MCC: variants seen among roughly 807,000 people sequenced by gnomAD.
The protein encoded by MCC is colorectal mutant cancer protein.
Under a neutral mutation model 116.2 loss-of-function variants are expected in MCC, and 90 were observed. That is an observed-to-expected ratio of 0.77 (90% confidence interval 0.65 to 0.92). The LOEUF (loss-of-function observed/expected upper bound fraction) is 0.92. MCC is among the 40% of genes least tolerant of loss of function. MCC has a pLI of 0.00. For missense variants in MCC, 1,516 were observed against 1,312.2 expected (o/e 1.16, Z -2.40); for synonymous variants, 578 against 510.5 (o/e 1.13, Z -1.78).
At chr5:113,320,773 A>G (rs1434073971) in intron 3 of MCC, among the ~76,000 whole-genome samples, 1 of 152,222 alleles carries the variant, frequency 6.6e-6, no homozygotes, top group Non-Finnish European at 1.5e-5. Flanking sequence ...CTAAATGAAA[A>G]CCATGATGGG....
intron 14 of MCC, among the ~76,000 whole-genome samples, chr5:113,055,467 G>C (rs1261863659): frequency 6.6e-6 from 1 of 152,240 alleles, no homozygotes; most frequent in Admixed American, 6.5e-5. Context: ...AAAAGCTGAA[G>C]AGAGATGGTG....
Position 113,211,733 on chromosome 5 carries a change from C to G in MCC, c.628-60311G>C, listed in dbSNP as rs1448791612. ...TTGAAGGAGACCTTTAACTCATTAT[C>G]TCAACTACTGGAGGTTATCCTAAAA... On this transcript the variant is annotated intron_variant, in intron 3 of 18. Coordinates refer to ENST00000408903, the MANE Select transcript of MCC (RefSeq NM_001085377.2). Among the ~76,000 whole-genome samples the G allele has an allele frequency of 2.0e-5, 3 of 152,258 alleles. No individual in the cohort carries two copies. In the East Asian group the frequency reaches 5.8e-4, roughly 29 times the overall value.
At chr5:113,101,133 T>C (rs1292121677) in intron 8 of MCC, among the ~76,000 whole-genome samples, 1 of 152,176 alleles carries the variant, frequency 6.6e-6, no homozygotes, top group Non-Finnish European at 1.5e-5. Flanking sequence ...GGTCAGGCCC[T>C]AGGGTGAATA....
intron 3 of MCC, among the ~76,000 whole-genome samples, chr5:113,308,172 C>T (rs1194888011): frequency 6.6e-6 from 1 of 152,078 alleles, no homozygotes; most frequent in Admixed American, 6.6e-5. Flanking sequence ...CAAGGTCTTG[C>T]AATGTTGCCC....
chr5:113,122,812 T>A lies in MCC; in HGVS notation c.899A>T (p.Tyr300Phe). 1 of 1,614,122 alleles carries A rather than the reference T, an allele frequency of 6.2e-7. No individual in the cohort carries two copies. Among genetic ancestry groups the A allele is most frequent in the Non-Finnish European group, 8.5e-7 (1 of 1,180,000 alleles). Residue 300 changes from tyrosine (Y) to phenylalanine (F), a missense_variant, in exon 6 of 19, where the codon TAC becomes TTC. Coordinates refer to ENST00000408903, the MANE Select transcript of MCC (RefSeq NM_001085377.2). ...QGTTIREEDE[Y>F]SELRSELSQS... Reference sequence around the variant, plus strand: ...GCTGAGTTCTGATCGCAGTTCTGAGTACTCATCTTCCTCCCTGAGAAAAAA... The same window carrying A: ...GCTGAGTTCTGATCGCAGTTCTGAGAACTCATCTTCCTCCCTGAGAAAAAA...
At chr5:113,363,217 C>G (rs1420932384) in intron 2 of MCC, among the ~76,000 whole-genome samples, 1 of 152,144 alleles carries the variant, frequency 6.6e-6, no homozygotes, top group Non-Finnish European at 1.5e-5. Flanking sequence ...TTGGAAGTTG[C>G]AGTGAGCCGA....
intron 3 of MCC, among the ~76,000 whole-genome samples, chr5:113,243,271 T>C (rs1461095238): frequency 6.6e-6 from 1 of 152,122 alleles, no homozygotes; most frequent in Admixed American, 6.5e-5. Context: ...TCAGCACATA[T>C]AAATGGAAGG....
chr5:113,290,897 C>A (rs1280271704), intron 3 of MCC, among the ~76,000 whole-genome samples: 1 of 152,150 alleles, frequency 6.6e-6, no homozygotes, highest in Non-Finnish European at 1.5e-5. Flanking sequence ...ATCTTTATGA[C>A]AGGAACAGCT....
chr5:113,211,064 GTC>G (rs1763117774), intron 3 of MCC, among the ~76,000 whole-genome samples: 1 of 152,184 alleles, frequency 6.6e-6, no homozygotes. Context: ...AATTGACTGA[GTC>G]TCTTCCAAAT....
intron 3 of MCC, among the ~76,000 whole-genome samples, chr5:113,201,635 G>T (rs1311000991): frequency 6.6e-6 from 1 of 152,098 alleles, no homozygotes; most frequent in African/African-American, 2.4e-5. Flanking sequence ...ATGAAAACTT[G>T]AAAGAAATAT....
chr5:113,485,561 T>TTC (rs1260511996), intron 1 of MCC, among the ~76,000 whole-genome samples: 2 of 150,158 alleles, frequency 1.3e-5, no homozygotes, highest in Admixed American at 6.7e-5. Flanking sequence ...TCCTTTTACA[T>TTC]CTTCTTCCCT....
chr5:113,433,604 G>C, intron 1 of MCC: 1 of 1,182,014 alleles, frequency 8.5e-7, no homozygotes. Context: ...CAAGTTCAAG[G>C]GGAGAGAGAA....
intron 5 of MCC, among the ~76,000 whole-genome samples, chr5:113,136,101 T>C (rs1758807181): frequency 6.6e-6 from 1 of 152,152 alleles, no homozygotes; most frequent in African/African-American, 2.4e-5. Flanking sequence ...AAAAGGGACA[T>C]GCATATATAC....
chr5:113,198,588 C>A (rs1581241335), intron 3 of MCC, among the ~76,000 whole-genome samples: 1 of 150,642 alleles, frequency 6.6e-6, no homozygotes, highest in East Asian at 1.9e-4. Flanking sequence ...CCTGTGGTCC[C>A]AGCTACTCGG....
intron 16 of MCC, 75 bp from the exon 17 acceptor site, chr5:113,043,705 G>C (rs1160194311): frequency 9.4e-7 from 1 of 1,063,536 alleles, no homozygotes; most frequent in Non-Finnish European, 1.4e-6. Flanking sequence ...AGCAGAGCGC[G>C]GTAGGTGGCT....
intron 7 of MCC, 39 bp from the exon 8 acceptor site, chr5:113,101,984 C>A (rs1231465855): frequency 4.4e-6 from 7 of 1,603,604 alleles, no homozygotes; most frequent in African/African-American, 1.3e-5. Flanking sequence ...AAGTAAGTTA[C>A]CTTGGAGAAA....
intron 3 of MCC, among the ~76,000 whole-genome samples, chr5:113,271,940 C>G (rs1765635095): frequency 6.6e-6 from 1 of 152,142 alleles, no homozygotes; most frequent in South Asian, 2.1e-4. Context: ...GCATTCTGCT[C>G]TAGGAGCACA....
chr5:113,248,101 A>G (rs1764643962), intron 3 of MCC, among the ~76,000 whole-genome samples: 2 of 152,164 alleles, frequency 1.3e-5, no homozygotes, highest in South Asian at 4.2e-4. Context: ...CTAAGAATAA[A>G]GAAAGCATAT....
intron 3 of MCC, among the ~76,000 whole-genome samples, chr5:113,185,762 C>T (rs901811625): frequency 2.0e-5 from 3 of 152,104 alleles, no homozygotes; most frequent in Non-Finnish European, 4.4e-5. Context: ...AGTAGCATAA[C>T]ATATTAAAGA....
Sources: gnomAD v4.1 joint callset for allele counts (sites outside exome capture counted in the v4.1 genomes callset) on GRCh38, gnomAD v4.1.1 for gene constraint, MANE v1.5 for transcripts, NCBI Gene and HGNC (gene_info 2026-07-23, HGNC 2026-07-21) for gene names.